Variants in DOP1A observed in about 807,000 individuals in gnomAD.
DOP1A encodes protein DOP1A.
DOP1A carries 90 observed loss-of-function variants against 267.6 expected under a neutral mutation model. The ratio of observed to expected loss-of-function variants is 0.34; its 90% CI spans 0.28 to 0.40. DOP1A has a LOEUF of 0.40. Among genes scored for constraint, DOP1A ranks in the 10% least tolerant of loss-of-function variants. The pLI is 1.00. For missense variants in DOP1A, 2,437 were observed against 2,900.4 expected (o/e 0.84, Z 3.67); for synonymous variants, 932 against 999.1 (o/e 0.93, Z 1.27).
intron 12 of DOP1A, 152 bp from the exon 13 acceptor site, chr6:83,124,553 A>G (rs1020705477): frequency 1.5e-6 from 1 of 646,356 alleles, no homozygotes; most frequent in African/African-American, 1.9e-5. Context: ...GAAGAGGTAC[A>G]GTGGCCTGGG....
At chr6:83,127,651 G>A (rs967290900) in intron 15 of DOP1A, among the ~76,000 whole-genome samples, 2 of 152,184 alleles carry the variant, frequency 1.3e-5, no homozygotes, top group Non-Finnish European at 2.9e-5. Flanking sequence ...CTATAGTAGC[G>A]CAGGTGAGAG....
At chr6:83,130,474 T>A in intron 17 of DOP1A, 77 bp downstream of exon 17, 1 of 1,507,186 alleles carries the variant, frequency 6.6e-7, no homozygotes, top group Non-Finnish European at 8.9e-7. Flanking sequence ...GCTTTAAGAA[T>A]TATTTTTTAA....
chr6:83,074,768 G>C (rs1018848164), intron 1 of DOP1A, among the ~76,000 whole-genome samples: 1 of 152,198 alleles, frequency 6.6e-6, no homozygotes, highest in African/African-American at 2.4e-5. Flanking sequence ...TATACACTCA[G>C]TGGTTAAGAT....
intron 1 of DOP1A, among the ~76,000 whole-genome samples, chr6:83,094,991 G>A (rs149402168): frequency 0.018 from 2,780 of 152,116 alleles, 51 homozygotes; most frequent in Admixed American, 0.06. Context: ...GGGGTGCAGC[G>A]GCGTGATCTT....
chr6:83,142,017 A>G lies in DOP1A; in HGVS notation c.5512A>G (p.Arg1838Gly), dbSNP rs1779721898. ...AAIAFVWNER[R>G]QNKTTTRTKV... ...CATTGCATTTGTGTGGAATGAAAGA[A>G]GACAGAATAAAACAACCACCAGGAC... is the stretch of plus-strand genomic sequence containing the variant. Residue 1838 changes from arginine to glycine, a missense_variant, in exon 24 of 39, where the codon AGA becomes GGA. By Grantham distance (125) the Arg-to-Gly change is moderately radical (BLOSUM62 -2). Coordinates refer to ENST00000349129, the MANE Select transcript of DOP1A (RefSeq NM_015018.4). 1 of 1,612,174 alleles carries G rather than the reference A, an allele frequency of 6.2e-7. No homozygotes were observed. Among genetic ancestry groups the G allele is most frequent in the East Asian group, 2.2e-5 (1 of 44,820 alleles).
chr6:83,135,975 A>AT (rs1778808646), intron 20 of DOP1A, 97 bp downstream of exon 20: 1 of 1,393,644 alleles, frequency 7.2e-7, no homozygotes, highest in African/African-American at 1.4e-5. Context: ...TGCATGTGAG[A>AT]TTTTCTCCAT....
intron 1 of DOP1A, among the ~76,000 whole-genome samples, chr6:83,074,837 A>G (rs149788191): frequency 1.3e-5 from 2 of 152,344 alleles, no homozygotes; most frequent in African/African-American, 4.8e-5. Context: ...TTGGAAGGCC[A>G]AGGCCAGAGG....
Position 83,130,151 on chromosome 6 carries a change from G to T in DOP1A, c.2370G>T (p.Trp790Cys). Residue 790 changes from tryptophan (W) to cysteine (C), a missense_variant, in exon 17 of 39, where the codon TGG becomes TGT. By Grantham distance (215) the Trp-to-Cys change is radical. Transcript: ENST00000349129. ...TDCEHVQPPQ[W>C]LQTLMNACSQ... ...GTGAGCATGTGCAGCCTCCACAGTG[G>T]CTCCAGACTCTGATGAATGCTTGCA... 2 of 1,613,972 alleles carry T rather than the reference G, an allele frequency of 1.2e-6. No individual in the cohort carries two copies. The highest frequency in any genetic ancestry group is 1.7e-6 in the Non-Finnish European group (2 of 1,179,930).
At position 83,141,935 on chromosome 6, in the gene DOP1A, G is replaced by C; in HGVS notation, c.5430G>C (p.Gln1810His). ...AATTGTTTTAGAACTTGAGACAACA[G>C]ATTCTTGAATTGTTGGGCCCCATTT... is the stretch of plus-strand genomic sequence containing the variant. ...NLGATKNLRQ[Q>H]ILELLGPISM... is the part of the protein sequence containing the mutation. Residue 1810 changes from glutamine (Q) to histidine (H), a missense_variant, in exon 24 of 39, where the codon CAG becomes CAC. This residue lies in a region of DOP1A where 307 missense variants were observed against 308.6 expected (regional missense o/e 0.99). Coordinates refer to ENST00000349129, the MANE Select transcript of DOP1A (RefSeq NM_015018.4). The C allele has an allele frequency of 6.3e-7, 1 of 1,599,524 alleles. No individual in the cohort carries two copies. The highest frequency in any genetic ancestry group is 8.5e-7 in the Non-Finnish European group (1 of 1,176,270).
intron 4 of DOP1A, 130 bp downstream of exon 4, chr6:83,101,016 C>CT (rs1362928309): frequency 1.8e-6 from 1 of 552,152 alleles, no homozygotes; most frequent in Non-Finnish European, 2.7e-6. Context: ...AGATATCAAT[C>CT]TTTGTTTTGT....
In DOP1A at chr6:83,126,607, G is replaced by A. The variant is rs559190409; in HGVS notation, c.1719+874G>A. 7.9e-5 allele frequency among the ~76,000 whole-genome samples: 12 copies of A among 152,266 alleles called. No homozygotes were observed. In the South Asian group the frequency reaches 2.5e-3, roughly 32 times the overall value. On this transcript the variant is annotated intron_variant, in intron 15 of 38. Transcript: ENST00000349129. ...GAAAATAATCAAGTGGTAGGAATAT[G>A]GAAAATGGGGTGACCTGACCTACGC...
At chr6:83,104,338 A>C (rs1260388754) in intron 4 of DOP1A, among the ~76,000 whole-genome samples, 1 of 152,126 alleles carries the variant, frequency 6.6e-6, no homozygotes, top group Non-Finnish European at 1.5e-5. Flanking sequence ...GGGCAAGTAT[A>C]TCTTTGTCTT....
chr6:83,154,071 C>T (rs1168778592), intron 32 of DOP1A, 28 bp downstream of exon 32: 4 of 1,613,184 alleles, frequency 2.5e-6, no homozygotes, highest in Non-Finnish European at 3.4e-6. Flanking sequence ...TTGTATTCAG[C>T]ATGATGCACC....
chr6:83,120,953 A>G (rs557635660), intron 10 of DOP1A, among the ~76,000 whole-genome samples, 162 bp downstream of exon 10: 6 of 152,058 alleles, frequency 3.9e-5, no homozygotes, highest in African/African-American at 9.6e-5. Context: ...AGATACAGGT[A>G]TTCATCCACC....
intron 1 of DOP1A, among the ~76,000 whole-genome samples, chr6:83,095,005 T>C (rs996044591): frequency 1.3e-5 from 2 of 152,218 alleles, no homozygotes; most frequent in Non-Finnish European, 2.9e-5. Flanking sequence ...TGATCTTGGC[T>C]CACTGCAGCC....
intron 1 of DOP1A, among the ~76,000 whole-genome samples, chr6:83,092,477 T>C (rs988294197): frequency 1.3e-5 from 2 of 152,082 alleles, no homozygotes; most frequent in East Asian, 3.9e-4. Context: ...TATTGTGAGT[T>C]CTTCAGAGTA....
intron 38 of DOP1A, among the ~76,000 whole-genome samples, chr6:83,163,555 T>A (rs1187489348): frequency 6.6e-6 from 1 of 152,208 alleles, no homozygotes; most frequent in Non-Finnish European, 1.5e-5. Flanking sequence ...TATGCTAAAA[T>A]TCATTTTCTA....
chr6:83,105,838 T>C (rs2128158002), intron 4 of DOP1A, among the ~76,000 whole-genome samples: 1 of 152,358 alleles, frequency 6.6e-6, no homozygotes, highest in South Asian at 2.1e-4. Flanking sequence ...ACATAATTCA[T>C]GCCTGCTACT....
chr6:83,099,441 C>T (rs1456604238), intron 3 of DOP1A, among the ~76,000 whole-genome samples: 1 of 151,764 alleles, frequency 6.6e-6, no homozygotes, highest in East Asian at 1.9e-4. Context: ...TAGTTAGGTT[C>T]TTTTTTTTCC....
Sources: allele counts gnomAD v4.1 joint callset (sites outside exome capture counted in the v4.1 genomes callset), GRCh38; gene constraint gnomAD v4.1.1; regional missense constraint gnomAD v4.1.1; transcripts MANE v1.5; gene names NCBI Gene and HGNC (gene_info 2026-07-23, HGNC 2026-07-21).